GSE1: variants seen among roughly 807,000 people sequenced by gnomAD.
GSE1 encodes the protein genetic suppressor element 1.
Under a neutral mutation model 112.6 loss-of-function variants are expected in GSE1, and 32 were observed. That is an observed-to-expected ratio of 0.28 (90% confidence interval 0.21 to 0.38). GSE1 has a LOEUF of 0.38. Among genes scored for constraint, GSE1 ranks in the 10% least tolerant of loss-of-function variants. GSE1 has a pLI of 1.00. For synonymous variants in GSE1, 1,115 were observed against 735.6 expected (o/e 1.52, Z -8.35); for missense variants, 2,348 against 1,699.2 (o/e 1.38, Z -6.71).
chr16:85,484,649 C>T (rs920240485), intron 2 of GSE1, among the ~76,000 whole-genome samples: 1 of 152,284 alleles, frequency 6.6e-6, no homozygotes, highest in Non-Finnish European at 1.5e-5. Context: ...TTATTTCCCA[C>T]ATTTTTACAG....
intron 1 of GSE1, among the ~76,000 whole-genome samples, chr16:85,204,875 G>A (rs11648901): frequency 0.47 from 72,199 of 152,080 alleles, 18,213 homozygotes; most frequent in African/African-American, 0.64. Flanking sequence ...AGGGTCGTCC[G>A]CCTAGGGCCT....
chr16:85,461,964 G>A (rs1174758370), intron 2 of GSE1, among the ~76,000 whole-genome samples: 1 of 152,220 alleles, frequency 6.6e-6, no homozygotes, highest in Non-Finnish European at 1.5e-5. Context: ...AGGCGGTGGA[G>A]GAGAAAGGCA....
At chr16:85,581,328 G>T (rs978033546) in intron 1 of GSE1, among the ~76,000 whole-genome samples, 1 of 152,194 alleles carries the variant, frequency 6.6e-6, no homozygotes, top group Admixed American at 6.5e-5. Flanking sequence ...GGAAGCAGGG[G>T]GATGGGACCT....
chr16:85,587,598 A>G (rs1032924907), intron 1 of GSE1, among the ~76,000 whole-genome samples: 7 of 151,956 alleles, frequency 4.6e-5, no homozygotes, highest in Non-Finnish European at 8.8e-5. Flanking sequence ...TTCTCAGCTC[A>G]GCCCAGGCCC....
chr16:85,588,781 G>C (rs76831558), intron 1 of GSE1, among the ~76,000 whole-genome samples: 11,024 of 152,222 alleles, frequency 0.072, 549 homozygotes, highest in Non-Finnish European at 0.11. Flanking sequence ...TTTGTCAGGG[G>C]GCCCGGGGAC....
chr16:85,178,394 C>T (rs1246399217), intron 1 of GSE1, among the ~76,000 whole-genome samples: 1 of 152,016 alleles, frequency 6.6e-6, no homozygotes. Context: ...TGGGCAGGAC[C>T]AGCATTCCCG....
At chr16:85,478,238 G>A (rs1428275563) in intron 2 of GSE1, among the ~76,000 whole-genome samples, 1 of 152,054 alleles carries the variant, frequency 6.6e-6, no homozygotes, top group African/African-American at 2.4e-5. Context: ...AATATTCCAT[G>A]GCATGGGGCC....
intron 2 of GSE1, among the ~76,000 whole-genome samples, chr16:85,410,950 C>CT (rs2048515016): frequency 1.8e-5 from 2 of 109,940 alleles, no homozygotes; most frequent in Non-Finnish European, 1.7e-5. Context: ...ACACTCAGGC[C>CT]CCCGGATAAT....
intron 1 of GSE1, among the ~76,000 whole-genome samples, chr16:85,583,041 C>T (rs2046518657): frequency 6.6e-6 from 1 of 152,050 alleles, no homozygotes; most frequent in Non-Finnish European, 1.5e-5. Context: ...TTCCTGGAGC[C>T]ACTCATTCCT....
At chr16:85,235,889 GC>G (rs1904590301) in intron 1 of GSE1, among the ~76,000 whole-genome samples, 1 of 151,850 alleles carries the variant, frequency 6.6e-6, no homozygotes, top group Admixed American at 6.6e-5. Flanking sequence ...CCCGCGCCCC[GC>G]CCCCGCGCTG....
intron 1 of GSE1, among the ~76,000 whole-genome samples, chr16:85,205,400 A>G (rs976822440): frequency 1.2e-4 from 18 of 152,070 alleles, no homozygotes; most frequent in South Asian, 4.1e-4. Context: ...CCAAAGTGCT[A>G]GGATTACAGG....
At chr16:85,215,939 T>C (rs2075300530) in intron 1 of GSE1, among the ~76,000 whole-genome samples, 1 of 152,174 alleles carries the variant, frequency 6.6e-6, no homozygotes, top group African/African-American at 2.4e-5. Flanking sequence ...TGGAGGCCTG[T>C]CTGCAAACCC....
At chr16:85,348,416 G>T (rs2067402403) in intron 1 of GSE1, among the ~76,000 whole-genome samples, 1 of 152,220 alleles carries the variant, frequency 6.6e-6, no homozygotes, top group African/African-American at 2.4e-5. Flanking sequence ...GGAGGAGGAA[G>T]CTGAGGCCAG....
chr16:85,587,214 G>A (rs74031866), intron 1 of GSE1, among the ~76,000 whole-genome samples: 3,563 of 151,788 alleles, frequency 0.023, 148 homozygotes, highest in African/African-American at 0.08. Flanking sequence ...GGGCCCGGCC[G>A]TGGAAGATGA....
chr16:85,311,138 C>T lies in GSE1; in HGVS notation c.2284-46325C>T, dbSNP rs568837387. Among the ~76,000 whole-genome samples the T allele has an allele frequency of 3.3e-4, 50 of 152,342 alleles. No individual in the cohort carries two copies. Among genetic ancestry groups the T allele is most frequent in the Non-Finnish European group, 6.0e-4 (41 of 68,030 alleles). ...CGGCAGAGGGGAGGGCAGCCTGCTC[C>T]GTGGGCTGGTCCCAAATTCCAGAGG... On this transcript the variant is annotated intron_variant, in intron 1 of 2. Coordinates refer to the GSE1 transcript ENST00000637419. This position sits in a 1 kb window ranked among gnomAD's most constrained non-coding sequence, Gnocchi z 4.2.
In GSE1 at chr16:85,175,730, G is replaced by A. The variant is rs551901127; in HGVS notation, c.2283+3923G>A. On this transcript the variant is annotated intron_variant, in intron 1 of 2. Transcript: ENST00000637419. ...GCGGCATTTGGGGACGTGATAATGC[G>A]GGTGATAACCATTATGGAGTGCTTC... Among the ~76,000 whole-genome samples, 235 of 152,306 alleles carry A rather than the reference G, an allele frequency of 1.5e-3. 1 individual carries two copies. Among genetic ancestry groups the A allele is most frequent in the African/African-American group, 5.3e-3 (219 of 41,564 alleles).
chr16:85,663,773 C>G (rs1418155203), intron 11 of GSE1, among the ~76,000 whole-genome samples, 159 bp downstream of exon 11: 1 of 152,256 alleles, frequency 6.6e-6, no homozygotes. Flanking sequence ...CCTCTCTGTT[C>G]TTACAAGCCC....
chr16:85,171,178 C>G (rs1380353244), exon 1 of GSE1: 1 of 985,528 alleles, frequency 1.0e-6, no homozygotes, highest in Non-Finnish European at 1.2e-6. Context: ...CCGGGCCTGC[C>G]AGAACGAGGA....
At chr16:85,306,056 A>T (rs2045669290) in intron 1 of GSE1, among the ~76,000 whole-genome samples, 1 of 152,076 alleles carries the variant, frequency 6.6e-6, no homozygotes, top group South Asian at 2.1e-4. Flanking sequence ...GTGCCACTGC[A>T]CTCCAGTCTG....
Sources: allele counts gnomAD v4.1 joint callset (sites outside exome capture counted in the v4.1 genomes callset), GRCh38; gene constraint gnomAD v4.1.1; non-coding constraint Gnocchi (gnomAD v3.1); transcripts MANE v1.5; gene names NCBI Gene and HGNC (gene_info 2026-07-23, HGNC 2026-07-21).